Variants in ST6GALNAC3 observed in about 807,000 individuals in gnomAD.
ST6GALNAC3 encodes the protein ST6 N-acetylgalactosaminide alpha-2,6-sialyltransferase 3, also known as alpha-N-acetylgalactosaminide alpha-2,6-sialyltransferase 3.
Under a neutral mutation model 32.7 loss-of-function variants are expected in ST6GALNAC3, and 25 were observed. The ratio of observed to expected loss-of-function variants is 0.76; its 90% CI spans 0.56 to 1.07. The LOEUF is 1.07. Among genes scored for constraint, ST6GALNAC3 ranks in the 50% least tolerant of loss-of-function variants. ST6GALNAC3 has a pLI of 0.00. For synonymous variants in ST6GALNAC3, 129 were observed against 133.1 expected (o/e 0.97, Z 0.21); for missense variants, 355 against 382.4 (o/e 0.93, Z 0.60).
chr1:76,268,438 C>T (rs1333862216), intron 1 of ST6GALNAC3, among the ~76,000 whole-genome samples: 1 of 152,162 alleles, frequency 6.6e-6, no homozygotes, highest in African/African-American at 2.4e-5. Flanking sequence ...GAGACTGCCA[C>T]AATGTGTGGG....
At chr1:76,406,722 G>A (rs1301878032) in intron 2 of ST6GALNAC3, among the ~76,000 whole-genome samples, 1 of 151,962 alleles carries the variant, frequency 6.6e-6, no homozygotes, top group Non-Finnish European at 1.5e-5. Flanking sequence ...GTGAAAATCA[G>A]TAATAATTAT....
chr1:76,272,850 G>C (rs981514714), intron 1 of ST6GALNAC3, among the ~76,000 whole-genome samples: 2 of 152,154 alleles, frequency 1.3e-5, no homozygotes, highest in African/African-American at 4.8e-5. Context: ...GAGAGAGGAA[G>C]ACTAACAAAG....
chr1:76,077,317 A>G (rs1002455325), intron 1 of ST6GALNAC3, among the ~76,000 whole-genome samples: 1 of 151,830 alleles, frequency 6.6e-6, no homozygotes, highest in African/African-American at 2.4e-5. Flanking sequence ...TGGTGTTGGC[A>G]TATGTAGAAA....
intron 3 of ST6GALNAC3, among the ~76,000 whole-genome samples, chr1:76,527,907 TA>T (rs1473129832): frequency 2.0e-5 from 3 of 152,032 alleles, no homozygotes; most frequent in African/African-American, 7.2e-5. Flanking sequence ...AAAAATAAAA[TA>T]CAGGCTCATC....
intron 3 of ST6GALNAC3, among the ~76,000 whole-genome samples, chr1:76,571,433 T>C (rs1337379836): frequency 6.6e-6 from 1 of 152,066 alleles, no homozygotes; most frequent in Non-Finnish European, 1.5e-5. Flanking sequence ...CTTGTGCCAG[T>C]TGAAATATTT....
chr1:76,142,074 T>C (rs1650362988), intron 1 of ST6GALNAC3, among the ~76,000 whole-genome samples: 2 of 152,088 alleles, frequency 1.3e-5, no homozygotes, highest in African/African-American at 4.8e-5. Flanking sequence ...TGCTGGGCCT[T>C]GGGGGATGGA....
chr1:76,461,721 G>T (rs755640407), intron 3 of ST6GALNAC3, among the ~76,000 whole-genome samples: 19 of 152,146 alleles, frequency 1.2e-4, no homozygotes, highest in Non-Finnish European at 2.1e-4. Context: ...AGTAAGTGTT[G>T]TAGTGGCAGT....
chr1:76,320,961 TATACACAC>T (rs1306695429), intron 2 of ST6GALNAC3, among the ~76,000 whole-genome samples: 1 of 149,604 alleles, frequency 6.7e-6, no homozygotes, highest in Non-Finnish European at 1.5e-5. Context: ...ATGGTATATA[TATACACAC>T]ACACACACAC....
chr1:76,490,147 C>A (rs1366577743), intron 3 of ST6GALNAC3, among the ~76,000 whole-genome samples: 2 of 152,044 alleles, frequency 1.3e-5, no homozygotes, highest in Non-Finnish European at 2.9e-5. Flanking sequence ...GAAAATAGCC[C>A]ACGGACCTTT....
chr1:76,399,110 A>G (rs181739910), intron 2 of ST6GALNAC3, among the ~76,000 whole-genome samples: 282 of 152,128 alleles, frequency 1.9e-3, no homozygotes, highest in African/African-American at 6.3e-3. Flanking sequence ...TGTATTTTGT[A>G]TATTAACCCT....
At chr1:76,383,866 G>T (rs1228076035) in intron 2 of ST6GALNAC3, among the ~76,000 whole-genome samples, 1 of 152,094 alleles carries the variant, frequency 6.6e-6, no homozygotes, top group African/African-American at 2.4e-5. Flanking sequence ...AATTAATAAT[G>T]CAATTTTAGG....
At chr1:76,254,397 A>G (rs1428946537) in intron 1 of ST6GALNAC3, among the ~76,000 whole-genome samples, 1 of 152,052 alleles carries the variant, frequency 6.6e-6, no homozygotes, top group Non-Finnish European at 1.5e-5. Flanking sequence ...TCTCTCCCCT[A>G]TTCAGTTTGT....
At chr1:76,400,169 G>A (rs1452307657) in intron 2 of ST6GALNAC3, among the ~76,000 whole-genome samples, 1 of 152,040 alleles carries the variant, frequency 6.6e-6, no homozygotes, top group Non-Finnish European at 1.5e-5. Flanking sequence ...TTTTTGTTTA[G>A]TAAAAACATT....
chr1:76,610,598 C>T (rs1380384755), intron 3 of ST6GALNAC3, among the ~76,000 whole-genome samples: 1 of 152,022 alleles, frequency 6.6e-6, no homozygotes, highest in Non-Finnish European at 1.5e-5. Context: ...TCTAGAATCC[C>T]AAGAAGAGGT....
At chr1:76,515,167 G>T (rs1159725329) in intron 3 of ST6GALNAC3, among the ~76,000 whole-genome samples, 1 of 151,690 alleles carries the variant, frequency 6.6e-6, no homozygotes, top group African/African-American at 2.4e-5. Flanking sequence ...TTTGATGGAG[G>T]GTATTTTATT....
intron 1 of ST6GALNAC3, among the ~76,000 whole-genome samples, chr1:76,099,627 T>C (rs575391891): frequency 6.6e-6 from 1 of 152,166 alleles, no homozygotes; most frequent in East Asian, 1.9e-4. Flanking sequence ...AAGCCCCAAC[T>C]CTACAGTGAT....
chr1:76,240,047 A>C (rs1656879455), intron 1 of ST6GALNAC3, among the ~76,000 whole-genome samples: 2 of 152,232 alleles, frequency 1.3e-5, no homozygotes, highest in African/African-American at 4.8e-5. Flanking sequence ...TTGGAGTCAG[A>C]GGTGGGTTCA....
chr1:76,139,791 TG>T (rs1650204289), intron 1 of ST6GALNAC3, among the ~76,000 whole-genome samples: 1 of 152,228 alleles, frequency 6.6e-6, no homozygotes, highest in South Asian at 2.1e-4. Context: ...TTATGTTCTC[TG>T]AGCCTCAGAT....
At chr1:76,093,882 C>A (rs939302963) in intron 1 of ST6GALNAC3, among the ~76,000 whole-genome samples, 1 of 152,218 alleles carries the variant, frequency 6.6e-6, no homozygotes, top group Non-Finnish European at 1.5e-5. Flanking sequence ...AAGCCAGATG[C>A]CACATAAGCC....
Sources: gnomAD v4.1 joint callset for allele counts (sites outside exome capture counted in the v4.1 genomes callset) on GRCh38, gnomAD v4.1.1 for gene constraint, MANE v1.5 for transcripts, NCBI Gene and HGNC (gene_info 2026-07-23, HGNC 2026-07-21) for gene names.